Variants in PSMD2 observed in about 807,000 individuals in gnomAD.
PSMD2 encodes 26S proteasome non-ATPase regulatory subunit 2.
Under a neutral mutation model 101.5 loss-of-function variants are expected in PSMD2, and 8 were observed. That is an observed-to-expected ratio of 0.08 (90% CI 0.05 to 0.14). The LOEUF (loss-of-function observed/expected upper bound fraction) is 0.14. Among genes scored for constraint, PSMD2 ranks in the 10% least tolerant of loss-of-function variants. The pLI, the probability that PSMD2 is intolerant of heterozygous loss-of-function variation, is 1.00. For synonymous variants in PSMD2, 418 were observed against 433.8 expected (o/e 0.96, Z 0.45); for missense variants, 784 against 1,147.4 (o/e 0.68, Z 4.58).
At chr3:184,302,261 G>C in intron 5 of PSMD2, 109 bp from the exon 6 acceptor site, 1 of 1,262,746 alleles carries the variant, frequency 7.9e-7, no homozygotes, top group East Asian at 2.4e-5. Context: ...ATCTAGCACA[G>C]TGCCTGGTGT....
Position 184,305,948 on chromosome 3 carries a change from T to C in PSMD2, c.1702+18T>C, listed in dbSNP as rs748866459. The C allele has an allele frequency of 6.2e-7, 1 of 1,613,988 alleles. No homozygotes were observed. The highest frequency in any genetic ancestry group is 8.5e-7 in the Non-Finnish European group (1 of 1,179,874). ...CCACCTGGGTGAGGGGATGTTTCTATTTGGGCAAAGAGCTGACAGTAACTG... is the reference window on the plus strand; with the variant it reads ...CCACCTGGGTGAGGGGATGTTTCTACTTGGGCAAAGAGCTGACAGTAACTG... On this transcript the variant is annotated intron_variant, in intron 13 of 20. Coordinates refer to ENST00000310118, the MANE Select transcript of PSMD2 (RefSeq NM_002808.5).
chr3:184,302,873 C>T, intron 7 of PSMD2, 50 bp downstream of exon 7: 1 of 1,612,544 alleles, frequency 6.2e-7, no homozygotes, highest in Non-Finnish European at 8.5e-7. Flanking sequence ...ATTCTACCTG[C>T]CATTTCACCT....
Position 184,309,009 on chromosome 3 carries a change from C to G in PSMD2, c.*119C>G, listed in dbSNP as rs1721944563. 9.5e-7 allele frequency: 1 copy of G among 1,056,664 alleles called. No individual in the cohort carries two copies. Among genetic ancestry groups the G allele is most frequent in the South Asian group, 1.5e-5 (1 of 65,434 alleles). 65.5% of individuals were successfully genotyped at this position (1,056,664 alleles called of 1,614,324 possible). A position where few individuals can be genotyped will look rare whatever the true frequency, so the allele number is the denominator to read the frequency against. ...ATTGTCGCCTCCTGCTCTTTTGTTACTGAGTGAGATAAGGTTGTTCAATAA... is the reference window on the plus strand; with the variant it reads ...ATTGTCGCCTCCTGCTCTTTTGTTAGTGAGTGAGATAAGGTTGTTCAATAA... On this transcript the variant is annotated 3_prime_UTR_variant, in exon 21 of 21. Coordinates refer to ENST00000310118, the MANE Select transcript of PSMD2 (RefSeq NM_002808.5).
Position 184,307,513 on chromosome 3 carries a change from A to G in PSMD2, c.2191A>G (p.Met731Val), listed in dbSNP as rs1446447805. 10 of 1,614,062 alleles carry G rather than the reference A, an allele frequency of 6.2e-6. No individual in the cohort carries two copies. In the South Asian group the frequency reaches 8.8e-5, roughly 14 times the overall value. Residue 731 changes from methionine (M) to valine (V), a missense_variant, in exon 17 of 21, where the codon ATG becomes GTG. Physicochemically the swap from Met to Val is conservative, Grantham distance 21. Coordinates refer to ENST00000310118, the MANE Select transcript of PSMD2 (RefSeq NM_002808.5). ...VSYNSIFAMG[M>V]VGSGTNNARL... The stretch of plus-strand genomic sequence containing the variant: ...CTATAACTCCATTTTTGCCATGGGC[A>G]TGGTGGGCAGTGGTGAGTATCCGGC...
At chr3:184,299,715 C>T in intron 1 of PSMD2, 136 bp from the exon 2 acceptor site, 1 of 743,456 alleles carries the variant, frequency 1.3e-6, no homozygotes, top group Non-Finnish European at 2.3e-6. Context: ...CCAGGGCTTC[C>T]CATTCCCACT....
chr3:184,308,679 T>C lies in PSMD2; in HGVS notation c.2545-29T>C, dbSNP rs1721929100. The C allele has an allele frequency of 1.9e-6, 3 of 1,601,746 alleles. No homozygotes were observed. Among genetic ancestry groups the C allele is most frequent in the Non-Finnish European group, 2.6e-6 (3 of 1,170,328 alleles). ...GCGGTGGCTTGTCGCTACTTTTCCA[T>C]CTCTCTTTTCAATTTTCTTACCCTA... On this transcript the variant is annotated intron_variant, in intron 20 of 20. Transcript: ENST00000310118. The surrounding 1 kb of genome is among the most constrained non-coding windows in gnomAD (Gnocchi z 6.0).
rs772892148 is a variant in PSMD2, at chr3:184,308,343, C to T, written c.2426-106C>T. The T allele has an allele frequency of 5.9e-4, 554 of 943,804 alleles. No homozygotes were observed. The highest frequency in any genetic ancestry group is 7.5e-4 in the Non-Finnish European group (468 of 621,878). 58.5% of individuals were successfully genotyped at this position (943,804 alleles called of 1,614,324 possible). On this transcript the variant is annotated intron_variant, in intron 19 of 20. Coordinates refer to ENST00000310118, the MANE Select transcript of PSMD2 (RefSeq NM_002808.5). The surrounding 1 kb of genome is among the most constrained non-coding windows in gnomAD (Gnocchi z 6.0). ...ATGAGGGGAGGAGTGTGGATTCAGTCGTATGACTGACGGGTTAAAGGGTCA... is the reference window on the plus strand; with the variant it reads ...ATGAGGGGAGGAGTGTGGATTCAGTTGTATGACTGACGGGTTAAAGGGTCA...
Position 184,303,967 on chromosome 3 carries a change from T to C in PSMD2, c.1344T>C (p.Cys448=). 2.5e-6 allele frequency: 4 copies of C among 1,614,244 alleles called. No individual in the cohort carries two copies. Among genetic ancestry groups the C allele is most frequent in the African/African-American group, 1.3e-5 (1 of 75,060 alleles). The change falls in exon 11 of 21, where the codon TGT becomes TGC. Residue 448 remains cysteine (C), a synonymous_variant. Transcript: ENST00000310118. ...TGTAGTCAGGAGCTCTTCTTGCCTGTGGCATAGTGAACTCTGGGGTCCGGA... is the reference window on the plus strand; with the variant it reads ...TGTAGTCAGGAGCTCTTCTTGCCTGCGGCATAGTGAACTCTGGGGTCCGGA... The part of the protein sequence containing the change: ...DYIKSGALLA[C]GIVNSGVRNE...
At chr3:184,303,581 T>C in intron 9 of PSMD2, 62 bp from the exon 10 acceptor site, 2 of 1,610,386 alleles carry the variant, frequency 1.2e-6, no homozygotes, top group Admixed American at 3.3e-5. Flanking sequence ...GAGAGCTCTT[T>C]ATAATAACAG....
chr3:184,303,932 G>A lies in PSMD2; in HGVS notation c.1324-15G>A, dbSNP rs772582436. The A allele has an allele frequency of 9.3e-6, 15 of 1,614,248 alleles. No individual in the cohort carries two copies. The highest frequency in any genetic ancestry group is 1.3e-5 in the Non-Finnish European group (15 of 1,180,044). ...ATAGAGTATCCTGAGTGAAGAATCT[G>A]TTTGCTCTTTGTAGTCAGGAGCTCT... is the stretch of plus-strand genomic sequence containing the variant. On this transcript the variant is annotated splice_polypyrimidine_tract_variant and intron_variant, in intron 10 of 20. Coordinates refer to ENST00000310118, the MANE Select transcript of PSMD2 (RefSeq NM_002808.5).
chr3:184,301,817 G>T, intron 4 of PSMD2, 30 bp from the exon 5 acceptor site: 2 of 1,613,676 alleles, frequency 1.2e-6, no homozygotes, highest in Non-Finnish European at 1.7e-6. Context: ...CTGAAGCTGT[G>T]CTCTCTTAAT....
chr3:184,307,818 T>G, intron 18 of PSMD2, 72 bp from the exon 19 acceptor site: 1 of 1,608,988 alleles, frequency 6.2e-7, no homozygotes, highest in Non-Finnish European at 8.5e-7. Context: ...GTGGGAGATT[T>G]CTGTTTGGCT....
In PSMD2 at chr3:184,303,336, C is replaced by T. The variant is rs1262953374; in HGVS notation, c.1086C>T (p.Gly362=). 6.2e-7 allele frequency: 1 copy of T among 1,613,318 alleles called. No individual in the cohort carries two copies. Residue 362 remains glycine (G), a synonymous_variant, in exon 9 of 21, where the codon GGC becomes GGT. Coordinates refer to ENST00000310118, the MANE Select transcript of PSMD2 (RefSeq NM_002808.5). ...CTGTTGCAGGGTTTGGGGGCAGTGG[C>T]TCTCAGGTGGACTCTGCCCGCATGA... The part of the protein sequence containing the change: ...HLENNRFGGS[G]SQVDSARMNL...
intron 3 of PSMD2, among the ~76,000 whole-genome samples, chr3:184,301,158 G>A (rs1019171553): frequency 3.3e-5 from 5 of 150,874 alleles, no homozygotes; most frequent in South Asian, 2.1e-4. Flanking sequence ...GTGAAACCCC[G>A]TCTCTACTAA....
chr3:184,301,187 T>C (rs1721630409), intron 3 of PSMD2, among the ~76,000 whole-genome samples: 1 of 150,018 alleles, frequency 6.7e-6, no homozygotes, highest in Non-Finnish European at 1.5e-5. Flanking sequence ...AAAAAAAAAA[T>C]TAGCTGGGTG....
chr3:184,306,980 G>A (rs982868692), intron 16 of PSMD2, 146 bp downstream of exon 16: 11 of 726,432 alleles, frequency 1.5e-5, no homozygotes, highest in East Asian at 5.4e-5. Context: ...TTTTTGAAGC[G>A]GAGTTTTGCT....
At chr3:184,307,254 T>A in intron 16 of PSMD2, 103 bp from the exon 17 acceptor site, 1 of 1,328,934 alleles carries the variant, frequency 7.5e-7, no homozygotes, top group Non-Finnish European at 1.0e-6. Flanking sequence ...GCTGTGCCTT[T>A]TCTACAGAAG....
intron 3 of PSMD2, among the ~76,000 whole-genome samples, chr3:184,300,874 C>T (rs1198467309): frequency 6.6e-6 from 1 of 152,178 alleles, no homozygotes; most frequent in East Asian, 1.9e-4. Flanking sequence ...TGTTCCTACA[C>T]AGTCTGTCTC....
rs1721743736 is a variant in PSMD2, at chr3:184,304,148, A to G, written c.1451+74A>G. ...GGAGAACAGGAACTGGGCCCTTTTC[A>G]CCCATATTGCCAAGGGCTACCACTG... On this transcript the variant is annotated intron_variant, in intron 11 of 20. Transcript: ENST00000310118. The surrounding 1 kb of genome is among the most constrained non-coding windows in gnomAD (Gnocchi z 4.1). 2 of 1,593,286 alleles carry G rather than the reference A, an allele frequency of 1.3e-6. No homozygotes were observed. Among genetic ancestry groups the G allele is most frequent in the Non-Finnish European group, 1.7e-6 (2 of 1,162,292 alleles).
Sources: gnomAD v4.1 joint callset for allele counts (sites outside exome capture counted in the v4.1 genomes callset) on GRCh38, gnomAD v4.1.1 for gene constraint, Gnocchi (gnomAD v3.1) non-coding constraint, MANE v1.5 for transcripts, NCBI Gene and HGNC (gene_info 2026-07-23, HGNC 2026-07-21) for gene names.